The following DLG2 variants were observed in gnomAD, a reference collection of about 807,000 sequenced individuals.
DLG2 encodes the protein discs large MAGUK scaffold protein 2, also known as disks large homolog 2.
A neutral mutation model predicts 132.5 loss-of-function variants in DLG2; 45 were observed. That is an observed-to-expected ratio of 0.34 (90% CI 0.27 to 0.44). The LOEUF (loss-of-function observed/expected upper bound fraction) is 0.44, where lower values mean the gene tolerates loss of function less well. DLG2 is among the 20% of genes least tolerant of loss of function. The pLI is 1.00. For synonymous variants in DLG2, 424 were observed against 419.6 expected (o/e 1.01, Z -0.13); for missense variants, 1,045 against 1,196.9 (o/e 0.87, Z 1.87).
chr11:85,282,162 G>A (rs1254455674), intron 4 of DLG2, among the ~76,000 whole-genome samples: 2 of 151,886 alleles, frequency 1.3e-5, no homozygotes, highest in African/African-American at 4.8e-5. Context: ...AAAATAAAAT[G>A]TACACATGCA....
At chr11:84,192,961 C>G (rs149040786) in intron 8 of DLG2, among the ~76,000 whole-genome samples, 1 of 151,956 alleles carries the variant, frequency 6.6e-6, no homozygotes, top group African/African-American at 2.4e-5. Context: ...TTAGAAACTA[C>G]TCTATTGAAA....
intron 3 of DLG2, among the ~76,000 whole-genome samples, chr11:85,306,078 T>TA (rs1377979158): frequency 6.6e-6 from 1 of 152,266 alleles, no homozygotes; most frequent in East Asian, 1.9e-4. Context: ...TCTTCTCACA[T>TA]AAAATACAGA....
intron 7 of DLG2, among the ~76,000 whole-genome samples, chr11:84,309,514 C>A (rs1376075224): frequency 6.6e-6 from 1 of 152,180 alleles, no homozygotes; most frequent in African/African-American, 2.4e-5. Flanking sequence ...CTTAACTTTT[C>A]TAGGGTACAG....
Position 84,243,831 on chromosome 11 carries a change from G to C in DLG2, c.573+7407C>G, listed in dbSNP as rs552345040. 2.0e-5 allele frequency among the ~76,000 whole-genome samples: 3 copies of C among 152,280 alleles called. No homozygotes were observed. The East Asian group carries it at 5.8e-4, about 29-fold the overall frequency. ...CAGAGAAATGTTTTATTTTATCATAGATACACCCACCTTACCCCCAGTCTC... is the reference window on the plus strand; with the variant it reads ...CAGAGAAATGTTTTATTTTATCATACATACACCCACCTTACCCCCAGTCTC... On this transcript the variant is annotated intron_variant, in intron 8 of 27. Coordinates refer to ENST00000376104, the MANE Select transcript of DLG2 (RefSeq NM_001142699.3).
At chr11:85,216,986 G>A (rs116675379) in intron 4 of DLG2, among the ~76,000 whole-genome samples, 7,261 of 152,032 alleles carry the variant, frequency 0.048, 243 homozygotes, top group East Asian at 0.11. Flanking sequence ...GAGCCGCCGC[G>A]CCTGGCCTAC....
chr11:84,710,340 A>G (rs1347326130), intron 6 of DLG2, among the ~76,000 whole-genome samples: 1 of 151,922 alleles, frequency 6.6e-6, no homozygotes, highest in Non-Finnish European at 1.5e-5. Context: ...AACATAATAT[A>G]TATGCTCAAG....
intron 11 of DLG2, among the ~76,000 whole-genome samples, chr11:84,005,515 C>T (rs1345638655): frequency 1.3e-5 from 2 of 151,742 alleles, no homozygotes; most frequent in African/African-American, 2.4e-5. Flanking sequence ...TATTAAACTT[C>T]TGCACAGCAG....
chr11:84,650,358 A>G (rs1250237323), intron 6 of DLG2, among the ~76,000 whole-genome samples: 1 of 152,172 alleles, frequency 6.6e-6, no homozygotes, highest in Non-Finnish European at 1.5e-5. Flanking sequence ...CGTTGTAGGT[A>G]TTAGAGATGT....
At chr11:83,533,238 A>T (rs1318186503) in intron 20 of DLG2, among the ~76,000 whole-genome samples, 1 of 151,968 alleles carries the variant, frequency 6.6e-6, no homozygotes, top group Non-Finnish European at 1.5e-5. Flanking sequence ...TTTTTAACCA[A>T]ACATGTTATA....
chr11:85,305,622 C>T (rs1042944428), intron 3 of DLG2, among the ~76,000 whole-genome samples: 5 of 152,150 alleles, frequency 3.3e-5, no homozygotes, highest in South Asian at 2.1e-4. Context: ...ACTCCATTCT[C>T]CTGCCTCAGC....
chr11:84,714,596 TC>T (rs201666326), intron 6 of DLG2, among the ~76,000 whole-genome samples: 6,828 of 89,248 alleles, frequency 0.077, 294 homozygotes, highest in Middle Eastern at 0.11. Flanking sequence ...TCTTTCTCTT[TC>T]TTTCTCTTTC....
At chr11:85,076,672 C>T (rs2066588715) in intron 6 of DLG2, among the ~76,000 whole-genome samples, 1 of 152,008 alleles carries the variant, frequency 6.6e-6, no homozygotes, top group Admixed American at 6.6e-5. Flanking sequence ...GAGCATTCCT[C>T]TGCTAATTGC....
chr11:85,142,476 GT>G (rs1435415051), intron 5 of DLG2, among the ~76,000 whole-genome samples: 12 of 151,582 alleles, frequency 7.9e-5, no homozygotes, highest in Admixed American at 6.6e-5. Flanking sequence ...GAATTTTTAG[GT>G]TTTTCTAAAT....
intron 4 of DLG2, among the ~76,000 whole-genome samples, chr11:85,176,948 A>C (rs1595099740): frequency 6.6e-6 from 1 of 152,110 alleles, no homozygotes; most frequent in African/African-American, 2.4e-5. Flanking sequence ...TATTAAAGTC[A>C]AGAAACAACA....
chr11:84,043,078 C>T (rs2096136113), intron 11 of DLG2, among the ~76,000 whole-genome samples: 6 of 151,156 alleles, frequency 4.0e-5, no homozygotes. Flanking sequence ...TAAACTTGGC[C>T]ATCTTATTTA....
chr11:84,578,662 C>T (rs533316325), intron 6 of DLG2, among the ~76,000 whole-genome samples: 1 of 152,266 alleles, frequency 6.6e-6, no homozygotes, highest in South Asian at 2.1e-4. Context: ...TTTACAGGCT[C>T]ATAGGCAGAA....
chr11:84,944,817 G>T (rs2049987036), intron 6 of DLG2, among the ~76,000 whole-genome samples: 1 of 152,078 alleles, frequency 6.6e-6, no homozygotes, highest in African/African-American at 2.4e-5. Flanking sequence ...TGTTAGCCAG[G>T]ATGGTCTTGA....
chr11:83,885,525 C>T (rs1343122955), intron 15 of DLG2, among the ~76,000 whole-genome samples: 1 of 152,202 alleles, frequency 6.6e-6, no homozygotes, highest in Non-Finnish European at 1.5e-5. Flanking sequence ...AAACACTCTA[C>T]AGGATATTAT....
chr11:85,529,149 A>T (rs2075009589), intron 3 of DLG2, among the ~76,000 whole-genome samples: 1 of 152,208 alleles, frequency 6.6e-6, no homozygotes, highest in Non-Finnish European at 1.5e-5. Flanking sequence ...GGTCGTTTGC[A>T]AGTTGTCATA....
Sources: allele counts gnomAD v4.1 joint callset (sites outside exome capture counted in the v4.1 genomes callset), GRCh38; gene constraint gnomAD v4.1.1; transcripts MANE v1.5; gene names NCBI Gene and HGNC (gene_info 2026-07-23, HGNC 2026-07-21).